ERC2: variants seen among roughly 807,000 people sequenced by gnomAD.
ERC2 encodes ELKS/RAB6-interacting/CAST family member 2, also known as ERC protein 2.
ERC2 carries 42 observed loss-of-function variants against 114.8 expected under a neutral mutation model. That is an observed-to-expected ratio of 0.37 (90% confidence interval 0.29 to 0.47). ERC2 has a LOEUF of 0.47. Ranked by LOEUF, ERC2 falls within the 20% of genes least tolerant of loss-of-function variation. The probability of loss-of-function intolerance (pLI) is 0.99; values close to 1 mark genes in which losing one functional copy is unlikely to be tolerated. For missense variants in ERC2, 939 were observed against 1,150.7 expected, an observed-to-expected ratio of 0.82 and a Z score of 2.66; for synonymous variants, 454 against 425.5, an observed-to-expected ratio of 1.07 and a Z score of -0.82.
At chr3:55,991,365 A>G (rs1293207848) in intron 11 of ERC2, among the ~76,000 whole-genome samples, 1 of 152,224 alleles carries the variant, frequency 6.6e-6, no homozygotes, top group Non-Finnish European at 1.5e-5. Flanking sequence ...TTTTCCTTAC[A>G]TGAAGTACAG....
chr3:55,531,059 T>C (rs770451186), intron 17 of ERC2, among the ~76,000 whole-genome samples: 5 of 152,176 alleles, frequency 3.3e-5, no homozygotes, highest in Non-Finnish European at 7.4e-5. Flanking sequence ...CCAAGTCTTT[T>C]TGCCCTTTCA....
At chr3:56,258,737 T>A (rs1052063239) in intron 3 of ERC2, among the ~76,000 whole-genome samples, 2 of 152,216 alleles carry the variant, frequency 1.3e-5, no homozygotes, top group African/African-American at 4.8e-5. Context: ...GGCTGTAGTT[T>A]GCCAACCCTG....
At chr3:56,123,591 G>A (rs1361581184) in intron 6 of ERC2, among the ~76,000 whole-genome samples, 2 of 151,872 alleles carry the variant, frequency 1.3e-5, no homozygotes, top group African/African-American at 4.8e-5. Flanking sequence ...AACCATCACT[G>A]GCTACAGACC....
chr3:55,698,251 G>C (rs945417770), intron 16 of ERC2, among the ~76,000 whole-genome samples: 3 of 152,026 alleles, frequency 2.0e-5, no homozygotes, highest in African/African-American at 7.2e-5. Context: ...AAGCTCAGGG[G>C]CTGGGGAGCC....
intron 17 of ERC2, among the ~76,000 whole-genome samples, chr3:55,537,940 C>T (rs557827964): frequency 7.2e-5 from 11 of 152,292 alleles, no homozygotes; most frequent in African/African-American, 2.2e-4. Flanking sequence ...CCCCCAATTG[C>T]GGACGAGCCC....
rs1466815023 is a variant in ERC2 at position 56,040,688 on chromosome 3, CTATATAGAGAGAGA to C, written c.1642-21671_1642-21658del. Among the ~76,000 whole-genome samples the C allele has an allele frequency of 7.0e-3, 388 of 55,648 alleles. 1 individual carries two copies. Among genetic ancestry groups the C allele is most frequent in the Non-Finnish European group, 0.013 (318 of 25,314 alleles). 36.5% of individuals were successfully genotyped at this position (55,648 alleles called of 152,430 possible). The stretch of plus-strand genomic sequence containing the variant: ...CATATATAGATAGATACATATATCT[CTATATAGAGAGAGA>C]TATATAGAGAGAGATACATATAGAT... On this transcript the variant is annotated intron_variant, in intron 7 of 17. Transcript: ENST00000288221.
At chr3:56,090,308 G>T (rs995311717) in intron 6 of ERC2, among the ~76,000 whole-genome samples, 2 of 152,120 alleles carry the variant, frequency 1.3e-5, no homozygotes, top group African/African-American at 4.8e-5. Context: ...TTTAATTTCA[G>T]ATTTCTCTCC....
At chr3:55,772,838 G>C (rs930759300) in intron 14 of ERC2, among the ~76,000 whole-genome samples, 2 of 152,084 alleles carry the variant, frequency 1.3e-5, no homozygotes, top group Non-Finnish European at 2.9e-5. Context: ...CAAAACTTTA[G>C]TGTCAAGATT....
chr3:55,789,299 T>C (rs928725072), intron 14 of ERC2, among the ~76,000 whole-genome samples: 1 of 152,242 alleles, frequency 6.6e-6, no homozygotes, highest in South Asian at 2.1e-4. Context: ...CCGTGTTTTT[T>C]CCAAGTCCAT....
At chr3:55,636,195 AAT>A (rs1474669868) in intron 17 of ERC2, among the ~76,000 whole-genome samples, 1 of 152,220 alleles carries the variant, frequency 6.6e-6, no homozygotes, top group Non-Finnish European at 1.5e-5. Context: ...GATTTATAAA[AAT>A]GTATTTTCAA....
intron 3 of ERC2, among the ~76,000 whole-genome samples, chr3:56,259,698 T>C (rs1467986949): frequency 6.6e-6 from 1 of 151,948 alleles, no homozygotes; most frequent in Non-Finnish European, 1.5e-5. Flanking sequence ...TGATATATGA[T>C]TCTGAAAACA....
chr3:55,902,149 C>T (rs2064170341), intron 13 of ERC2, among the ~76,000 whole-genome samples: 1 of 152,200 alleles, frequency 6.6e-6, no homozygotes, highest in African/African-American at 2.4e-5. Flanking sequence ...AAAGCTTCAT[C>T]ATCCTCCAAC....
intron 13 of ERC2, among the ~76,000 whole-genome samples, chr3:55,946,913 T>C (rs1269593883): frequency 9.9e-5 from 15 of 152,232 alleles, no homozygotes; most frequent in Non-Finnish European, 1.8e-4. Context: ...AACTGCCACC[T>C]CTTTCCAATG....
chr3:56,405,912 AG>A (rs1560766633), intron 2 of ERC2, among the ~76,000 whole-genome samples: 1 of 51,896 alleles, frequency 1.9e-5, no homozygotes, highest in Admixed American at 3.0e-4. Flanking sequence ...TTTTTTTTTG[AG>A]ATAGAGTCTC....
At chr3:55,834,519 A>G (rs1347065231) in intron 14 of ERC2, among the ~76,000 whole-genome samples, 3 of 152,266 alleles carry the variant, frequency 2.0e-5, no homozygotes, top group South Asian at 2.1e-4. Flanking sequence ...TACTGGGTAC[A>G]TAATGAAATG....
chr3:56,204,790 C>T (rs1263766970), intron 3 of ERC2, among the ~76,000 whole-genome samples: 2 of 151,958 alleles, frequency 1.3e-5, no homozygotes, highest in African/African-American at 2.4e-5. Context: ...TGTGAGCCAC[C>T]GCACCCAGCC....
intron 17 of ERC2, among the ~76,000 whole-genome samples, chr3:55,520,512 A>T (rs997167162): frequency 6.6e-6 from 1 of 152,004 alleles, no homozygotes; most frequent in Non-Finnish European, 1.5e-5. Context: ...TAGGAAAGGG[A>T]GAAACACACC....
intron 4 of ERC2, among the ~76,000 whole-genome samples, chr3:56,165,613 T>C (rs1392561755): frequency 6.6e-6 from 1 of 152,098 alleles, no homozygotes. Flanking sequence ...TACATTTAGT[T>C]ATGTGTTATA....
At chr3:56,228,281 T>C (rs1239557618) in intron 3 of ERC2, among the ~76,000 whole-genome samples, 1 of 152,228 alleles carries the variant, frequency 6.6e-6, no homozygotes, top group Non-Finnish European at 1.5e-5. Context: ...CACTTTGTTG[T>C]GCAACCGTCA....
Sources: gnomAD v4.1 joint callset for allele counts (sites outside exome capture counted in the v4.1 genomes callset) on GRCh38, gnomAD v4.1.1 for gene constraint, MANE v1.5 for transcripts, NCBI Gene and HGNC (gene_info 2026-07-23, HGNC 2026-07-21) for gene names.